The following ASTN2 variants were observed in gnomAD, a reference collection of about 807,000 sequenced individuals.
ASTN2 encodes astrotactin-2.
A neutral mutation model predicts 139.8 loss-of-function variants in ASTN2; 54 were observed. The ratio of observed to expected loss-of-function variants is 0.39; its 90% CI spans 0.31 to 0.48. The LOEUF is 0.48. ASTN2 is among the 20% of genes least tolerant of loss of function. ASTN2 has a pLI of 0.95. For missense variants in ASTN2, 1,565 were observed against 1,725.1 expected, an observed-to-expected ratio of 0.91 and a Z score of 1.64; for synonymous variants, 756 against 719.5, an observed-to-expected ratio of 1.05 and a Z score of -0.81.
intron 20 of ASTN2, among the ~76,000 whole-genome samples, chr9:116,465,225 C>T (rs570206587): frequency 6.6e-6 from 1 of 152,320 alleles, no homozygotes; most frequent in Admixed American, 6.5e-5. Flanking sequence ...GCTTTGAACT[C>T]AGGCGACCCT....
intron 1 of ASTN2, among the ~76,000 whole-genome samples, chr9:117,322,020 T>C (rs1435844850): frequency 1.3e-5 from 2 of 152,224 alleles, no homozygotes; most frequent in Non-Finnish European, 2.9e-5. Context: ...ATGGTGTCTT[T>C]CACCACTCTA....
chr9:117,363,273 G>C (rs998400972), intron 1 of ASTN2, among the ~76,000 whole-genome samples: 11 of 152,176 alleles, frequency 7.2e-5, no homozygotes, highest in African/African-American at 2.2e-4. Flanking sequence ...GTTATACTGT[G>C]TCTGAGGGGA....
At chr9:117,345,005 G>A (rs894434231) in intron 1 of ASTN2, among the ~76,000 whole-genome samples, 7 of 152,154 alleles carry the variant, frequency 4.6e-5, no homozygotes, top group African/African-American at 1.7e-4. Flanking sequence ...GCATGAACAG[G>A]TTGGGGCTAA....
At chr9:116,807,207 T>C (rs189497307) in intron 12 of ASTN2, among the ~76,000 whole-genome samples, 8 of 152,284 alleles carry the variant, frequency 5.3e-5, no homozygotes, top group Admixed American at 1.3e-4. Context: ...GCAAAGGGAC[T>C]CAGGAACTCA....
chr9:116,757,753 G>A (rs1829573303), intron 13 of ASTN2, among the ~76,000 whole-genome samples: 1 of 152,120 alleles, frequency 6.6e-6, no homozygotes, highest in Non-Finnish European at 1.5e-5. Context: ...ATAGGACAGG[G>A]CCTGTAACAT....
At chr9:116,803,440 C>G (rs184590035) in intron 13 of ASTN2, among the ~76,000 whole-genome samples, 32 of 141,648 alleles carry the variant, frequency 2.3e-4, no homozygotes, top group Admixed American at 1.7e-3. Flanking sequence ...TTCAGCCTCC[C>G]AAGTAGCTGG....
At chr9:116,651,864 C>T in intron 16 of ASTN2, 71 bp from the exon 17 acceptor site, 1 of 1,531,770 alleles carries the variant, frequency 6.5e-7, no homozygotes, top group Non-Finnish European at 8.9e-7. Flanking sequence ...CTCTTGAATT[C>T]ACAAAATACA....
At chr9:116,534,591 T>A (rs1181445462) in intron 19 of ASTN2, among the ~76,000 whole-genome samples, 1 of 152,212 alleles carries the variant, frequency 6.6e-6, no homozygotes, top group Non-Finnish European at 1.5e-5. Flanking sequence ...AAAGAACATC[T>A]TTATTTCTGC....
chr9:117,083,473 G>A (rs547084258), intron 5 of ASTN2, among the ~76,000 whole-genome samples: 33 of 152,118 alleles, frequency 2.2e-4, no homozygotes, highest in Non-Finnish European at 4.0e-4. Context: ...ATAAGGTTAT[G>A]CATGCAAGCA....
intron 11 of ASTN2, among the ~76,000 whole-genome samples, chr9:116,844,268 T>C (rs1213659685): frequency 1.3e-5 from 2 of 152,240 alleles, no homozygotes; most frequent in Non-Finnish European, 2.9e-5. Context: ...TTTTCTCCCA[T>C]GTTCATTATT....
rs569542471 is a variant in ASTN2, at chr9:117,236,883, A to G, written c.631-22141T>C. On this transcript the variant is annotated intron_variant, in intron 2 of 22. Transcript: ENST00000313400. ...GTCTAACACCTAGTAAATGCTACATAAATATTAGCTATGATCCGTAAAGCA... is the reference window on the plus strand; with the variant it reads ...GTCTAACACCTAGTAAATGCTACATGAATATTAGCTATGATCCGTAAAGCA... Among the ~76,000 whole-genome samples, 9 of 152,326 alleles carry G rather than the reference A, an allele frequency of 5.9e-5. No homozygotes were observed. In the East Asian group the frequency reaches 1.7e-3, roughly 29 times the overall value.
Position 117,068,643 on chromosome 9 carries a change from T to C in ASTN2, c.1276+27401A>G, listed in dbSNP as rs1313473913. Among the ~76,000 whole-genome samples, 5 of 103,842 alleles carry C rather than the reference T, an allele frequency of 4.8e-5. 2 individuals are homozygous for C. Among genetic ancestry groups the C allele is most frequent in the Non-Finnish European group, 9.8e-5 (5 of 50,938 alleles). 68.1% of individuals were successfully genotyped at this position (103,842 alleles called of 152,430 possible). On this transcript the variant is annotated intron_variant, in intron 5 of 22. Coordinates refer to ENST00000313400, the MANE Select transcript of ASTN2 (RefSeq NM_001365068.1). Reference sequence around the variant, plus strand: ...GCTGTGAATCCATCTGGTCCTGGACTCTTTTTGGTTGGTAAAGTATTGATT... The same window carrying C: ...GCTGTGAATCCATCTGGTCCTGGACCCTTTTTGGTTGGTAAAGTATTGATT...
At chr9:116,795,357 C>G (rs1292676358) in intron 13 of ASTN2, among the ~76,000 whole-genome samples, 1 of 152,222 alleles carries the variant, frequency 6.6e-6, no homozygotes, top group African/African-American at 2.4e-5. Flanking sequence ...GGGCCCAGGC[C>G]CTTTATCAAA....
intron 5 of ASTN2, among the ~76,000 whole-genome samples, chr9:117,087,187 G>GT (rs1380476885): frequency 6.6e-6 from 1 of 151,744 alleles, no homozygotes; most frequent in Admixed American, 6.6e-5. Flanking sequence ...AATGTTTATT[G>GT]TTTTTTTCTT....
At chr9:117,031,316 A>G (rs917100937) in intron 6 of ASTN2, among the ~76,000 whole-genome samples, 3 of 152,124 alleles carry the variant, frequency 2.0e-5, no homozygotes, top group Non-Finnish European at 2.9e-5. Context: ...TACAGACACA[A>G]TTTCTTATAT....
intron 13 of ASTN2, among the ~76,000 whole-genome samples, chr9:116,761,879 G>A (rs1197159485): frequency 1.3e-5 from 2 of 152,194 alleles, no homozygotes; most frequent in Non-Finnish European, 2.9e-5. Context: ...TCAGGATGAA[G>A]AAGAGCAAGG....
At chr9:116,912,927 C>T (rs1564337774) in intron 10 of ASTN2, among the ~76,000 whole-genome samples, 1 of 152,068 alleles carries the variant, frequency 6.6e-6, no homozygotes, top group Non-Finnish European at 1.5e-5. Context: ...GAGATGGAGT[C>T]TCACTCTGTC....
At chr9:117,255,458 C>A (rs1022596635) in intron 2 of ASTN2, among the ~76,000 whole-genome samples, 12 of 152,188 alleles carry the variant, frequency 7.9e-5, no homozygotes, top group Non-Finnish European at 1.6e-4. Flanking sequence ...AACAGGCTCA[C>A]AAATAGCCTA....
At chr9:116,816,853 T>C (rs1159911920) in intron 12 of ASTN2, among the ~76,000 whole-genome samples, 1 of 151,290 alleles carries the variant, frequency 6.6e-6, no homozygotes, top group African/African-American at 2.4e-5. Flanking sequence ...AATAAGAATT[T>C]GAGACAAAAT....
Sources: allele counts gnomAD v4.1 joint callset (sites outside exome capture counted in the v4.1 genomes callset), GRCh38; gene constraint gnomAD v4.1.1; transcripts MANE v1.5; gene names NCBI Gene and HGNC (gene_info 2026-07-23, HGNC 2026-07-21).